The following RNF19A variants were observed in gnomAD, a reference collection of about 807,000 sequenced individuals.
RNF19A encodes E3 ubiquitin-protein ligase RNF19A.
RNF19A carries 32 observed loss-of-function variants against 75.7 expected under a neutral mutation model. The observed-to-expected ratio is 0.42, with a 90% CI of 0.32 to 0.57. The LOEUF is 0.57. Ranked by LOEUF, RNF19A falls within the 20% of genes least tolerant of loss-of-function variation. The pLI is 0.10. For missense variants in RNF19A, 782 were observed against 1,036.3 expected (o/e 0.75, Z 3.37); for synonymous variants, 335 against 345.2 (o/e 0.97, Z 0.33).
At chr8:100,291,648 G>A (rs1246865613) in intron 1 of RNF19A, among the ~76,000 whole-genome samples, 1 of 152,180 alleles carries the variant, frequency 6.6e-6, no homozygotes, top group Non-Finnish European at 1.5e-5. Flanking sequence ...AGGGCAAAAA[G>A]TTTGCATACA....
chr8:100,326,469 C>A (rs936623981), intron 1 of RNF19A, among the ~76,000 whole-genome samples: 1 of 152,074 alleles, frequency 6.6e-6, no homozygotes, highest in Non-Finnish European at 1.5e-5. Flanking sequence ...CTGTGCTGGG[C>A]AGAGGGTATT....
intron 1 of RNF19A, among the ~76,000 whole-genome samples, chr8:100,319,795 G>T (rs564802219): frequency 6.6e-6 from 1 of 150,438 alleles, no homozygotes; most frequent in African/African-American, 2.4e-5. Context: ...CTCCCAAAGT[G>T]CTGGGATTAC....
rs7010782 is a variant in RNF19A at position 100,317,474 on chromosome 8, T to A, written c.-242-4102A>T. Among the ~76,000 whole-genome samples, 20,060 of 152,082 alleles carry A rather than the reference T, an allele frequency of 0.13. 4,030 individuals are homozygous for A. The highest frequency in any genetic ancestry group is 0.44 in the African/African-American group (18,007 of 41,338). Reference sequence around the variant, plus strand: ...TGTTTCTTCCTCTTCATGGGACCCATGCAATTACTTAGAATCTTCTTTATT... The same window carrying A: ...TGTTTCTTCCTCTTCATGGGACCCAAGCAATTACTTAGAATCTTCTTTATT... On this transcript the variant is annotated intron_variant, in intron 1 of 3. Transcript: ENST00000519527. The surrounding 1 kb of genome is among the most constrained non-coding windows in gnomAD (Gnocchi z 4.3).
In RNF19A at chr8:100,275,051, T is replaced by C. The variant is rs756643748; in HGVS notation, c.785A>G (p.Gln262Arg). 1 of 1,614,190 alleles carries C rather than the reference T, an allele frequency of 6.2e-7. No homozygotes were observed. The highest frequency in any genetic ancestry group is 1.3e-5 in the African/African-American group (1 of 75,060). The change falls in exon 3 of 10, where the codon CAG becomes CGG. Residue 262 changes from glutamine (Q) to arginine (R), a missense_variant. Around this residue, in one of 7 missense-constraint regions of RNF19A, gnomAD observed 85 missense variants for 177.7 expected, o/e 0.48. Transcript: ENST00000341084. The surrounding 1 kb of genome is among the most constrained non-coding windows in gnomAD (Gnocchi z 4.3). ...CTCTTGTCGAGCAGCATCACAGGTCTGGTTGGGGTGCCAAATCTGTTTACA... is the reference window on the plus strand; with the variant it reads ...CTCTTGTCGAGCAGCATCACAGGTCCGGTTGGGGTGCCAAATCTGTTTACA... ...YHCKQIWHPN[Q>R]TCDAARQERA... is the part of the protein sequence containing the mutation.
chr8:100,277,367 A>G (rs946599893), intron 2 of RNF19A, among the ~76,000 whole-genome samples: 2 of 152,040 alleles, frequency 1.3e-5, no homozygotes, highest in African/African-American at 4.8e-5. Context: ...GTTAGAGTGC[A>G]GTGGCGCGAT....
chr8:100,279,884 C>T (rs983274375), intron 2 of RNF19A, among the ~76,000 whole-genome samples: 1 of 152,068 alleles, frequency 6.6e-6, no homozygotes, highest in Non-Finnish European at 1.5e-5. Context: ...AGGCTGGTCT[C>T]GAACTCCTGG....
chr8:100,274,200 C>T (rs1457241891), intron 3 of RNF19A, among the ~76,000 whole-genome samples: 1 of 152,182 alleles, frequency 6.6e-6, no homozygotes, highest in Non-Finnish European at 1.5e-5. Context: ...CTCTCTTGCT[C>T]TGTATGACTG....
chr8:100,259,712 C>T lies in RNF19A; in HGVS notation c.1826+142G>A. The stretch of plus-strand genomic sequence containing the variant: ...CCACTTTATGATCTATACAGATTTG[C>T]CTACTCTGGACAGCTCACTGTTTCC... On this transcript the variant is annotated intron_variant, in intron 9 of 9. Coordinates refer to ENST00000341084, the MANE Select transcript of RNF19A (RefSeq NM_183419.4). The surrounding 1 kb of genome is among the most constrained non-coding windows in gnomAD (Gnocchi z 4.5). 3 of 702,560 alleles carry T rather than the reference C, an allele frequency of 4.3e-6. No homozygotes were observed. The highest frequency in any genetic ancestry group is 6.9e-6 in the Non-Finnish European group (3 of 433,128). 43.5% of individuals were successfully genotyped at this position (702,560 alleles called of 1,614,324 possible).
At position 100,287,984 on chromosome 8, in the gene RNF19A, CTTCT is replaced by C; in HGVS notation, c.187_190del (p.Arg63GlufsTer4). The C allele has an allele frequency of 6.2e-7, 1 of 1,614,050 alleles. No homozygotes were observed. Among genetic ancestry groups the C allele is most frequent in the Non-Finnish European group, 8.5e-7 (1 of 1,179,988 alleles). ...CCGAAACAGGGAGCCTATTGAAATT[CTTCT>C]TTTTTTGGGTGCCTTTTTGACTGAA... On this transcript the variant is annotated frameshift_variant, in exon 2 of 10. Transcript: ENST00000341084. LOFTEE classifies it high-confidence loss of function. The surrounding 1 kb of genome is among the most constrained non-coding windows in gnomAD (Gnocchi z 4.1).
intron 1 of RNF19A, among the ~76,000 whole-genome samples, chr8:100,335,845 G>A (rs1371604508): frequency 6.6e-6 from 1 of 152,224 alleles, no homozygotes; most frequent in African/African-American, 2.4e-5. Flanking sequence ...GCAGTGCTCT[G>A]GTCTAAGTGG....
In RNF19A at chr8:100,322,697, G is replaced by A. The variant is rs2130360682; in HGVS notation, c.-242-9325C>T. Reference sequence around the variant, plus strand: ...TTTCTTGTTTTTTGGTTTCAAGTGAGAGGCATGCAACTCTTCCTTTCACCT... The same window carrying A: ...TTTCTTGTTTTTTGGTTTCAAGTGAAAGGCATGCAACTCTTCCTTTCACCT... On this transcript the variant is annotated intron_variant, in intron 1 of 3. Coordinates refer to the RNF19A transcript ENST00000519527. The surrounding 1 kb of genome is among the most constrained non-coding windows in gnomAD (Gnocchi z 5.1). Among the ~76,000 whole-genome samples, 1 of 152,324 alleles carries A rather than the reference G, an allele frequency of 6.6e-6. No individual in the cohort carries two copies. Among genetic ancestry groups the A allele is most frequent in the Admixed American group, 6.5e-5 (1 of 15,296 alleles).
At chr8:100,307,528 A>T (rs1347530246) in intron 1 of RNF19A, among the ~76,000 whole-genome samples, 1 of 151,474 alleles carries the variant, frequency 6.6e-6, no homozygotes, top group Non-Finnish European at 1.5e-5. Flanking sequence ...ATAAGTGTTC[A>T]AGATACAAAC....
rs541099000 is a variant in RNF19A at position 100,335,437 on chromosome 8, A to G, written c.-243+671T>C. Among the ~76,000 whole-genome samples the G allele has an allele frequency of 9.9e-4, 150 of 152,250 alleles. 1 individual carries two copies. The highest frequency in any genetic ancestry group is 1.6e-3 in the Non-Finnish European group (112 of 68,046). ...GAAAATGTTCAGAGATATCTACTCA[A>G]CAACTTCCTAGTTTCTATTTCAAAG... On this transcript the variant is annotated intron_variant, in intron 1 of 3. Transcript: ENST00000519527.
At chr8:100,313,351 C>T (rs1251608306), upstream of RNF19A, 2 of 982,140 alleles carry the variant, frequency 2.0e-6, no homozygotes, top group Admixed American at 6.2e-5. Flanking sequence ...AACGTCAATT[C>T]TTCTGACATT....
In RNF19A at chr8:100,261,604, T is replaced by G. The variant is rs1586591399; in HGVS notation, c.1620A>C (p.Ala540=). 6.2e-7 allele frequency: 1 copy of G among 1,614,130 alleles called. No homozygotes were observed. The highest frequency in any genetic ancestry group is 8.5e-7 in the Non-Finnish European group (1 of 1,180,028). The part of the protein sequence containing the change: ...DNLSETASTM[A]LAGASITGSL... Reference sequence around the variant, plus strand: ...TCCCCGTTATACTGGCTCCAGCTAGTGCCATGGTGCTGGCCGTTTCACTCA... The same window carrying G: ...TCCCCGTTATACTGGCTCCAGCTAGGGCCATGGTGCTGGCCGTTTCACTCA... Residue 540 remains alanine (A), a synonymous_variant, in exon 8 of 10, where the codon GCA becomes GCC. Coordinates refer to ENST00000341084, the MANE Select transcript of RNF19A (RefSeq NM_183419.4). This position sits in a 1 kb window ranked among gnomAD's most constrained non-coding sequence, Gnocchi z 4.4.
At chr8:100,335,855 G>A (rs563595088) in intron 1 of RNF19A, among the ~76,000 whole-genome samples, 53 of 152,338 alleles carry the variant, frequency 3.5e-4, no homozygotes, top group Middle Eastern at 3.4e-3. Context: ...GGTCTAAGTG[G>A]GCCAGGCTGC....
chr8:100,259,139 T>C lies in RNF19A; in HGVS notation c.1934A>G (p.His645Arg), dbSNP rs752455526. 6.2e-7 allele frequency: 1 copy of C among 1,614,080 alleles called. No individual in the cohort carries two copies. Among genetic ancestry groups the C allele is most frequent in the African/African-American group, 1.3e-5 (1 of 74,928 alleles). The change falls in exon 10 of 10, where the codon CAT (histidine) becomes CGT (arginine). Residue 645 changes from histidine (H) to arginine (R), a missense_variant. Transcript: ENST00000341084. The surrounding 1 kb of genome is among the most constrained non-coding windows in gnomAD (Gnocchi z 4.5). ...CAAGCCACTGGATGAACCGCCAGCA[T>C]GACTTCGGGTGGCACTGCCATCATC... Reference protein sequence around the residue: ...SVDDGSATRSHAGGSSSGLPE... With the variant: ...SVDDGSATRSRAGGSSSGLPE...
chr8:100,309,904 G>A lies in RNF19A; in HGVS notation c.-131C>T, dbSNP rs1176469415. 3.0e-6 allele frequency: 3 copies of A among 985,660 alleles called. No individual in the cohort carries two copies. The highest frequency in any genetic ancestry group is 3.6e-6 in the Non-Finnish European group (3 of 830,206). The allele number at this position is 985,660 out of a possible 1,614,324, so 61.1% of individuals were successfully genotyped here. On this transcript the variant is annotated 5_prime_UTR_variant, in exon 1 of 10. Transcript: ENST00000341084. ...AGAGCGGCGGCAGCGCAGGGTGGCG[G>A]GCGAGTAGGCCCATCTCCCAGCAGC...
intron 1 of RNF19A, among the ~76,000 whole-genome samples, chr8:100,320,561 A>G (rs1024916426): frequency 6.6e-6 from 1 of 152,210 alleles, no homozygotes; most frequent in African/African-American, 2.4e-5. Flanking sequence ...TAACAGGTGC[A>G]TTTGGATTCT....
Sources: allele counts gnomAD v4.1 joint callset (sites outside exome capture counted in the v4.1 genomes callset), GRCh38; gene constraint gnomAD v4.1.1; regional missense constraint gnomAD v4.1.1; non-coding constraint Gnocchi (gnomAD v3.1); transcripts MANE v1.5; gene names NCBI Gene and HGNC (gene_info 2026-07-23, HGNC 2026-07-21).